MTFR1: variants seen among roughly 807,000 people sequenced by gnomAD.
The protein encoded by MTFR1 is mitochondrial fission regulator 1.
A neutral mutation model predicts 38.8 loss-of-function variants in MTFR1; 28 were observed. The observed-to-expected ratio is 0.72, with a 90% CI of 0.53 to 0.99. MTFR1 has a LOEUF of 0.99. MTFR1 is among the 50% of genes least tolerant of loss of function. MTFR1 has a pLI of 0.00. For synonymous variants in MTFR1, 145 were observed against 137.0 expected (o/e 1.06, Z -0.41); for missense variants, 358 against 395.5 (o/e 0.91, Z 0.81).
At chr8:65,737,006 G>A (rs539461029) in intron 3 of MTFR1, among the ~76,000 whole-genome samples, 11 of 150,888 alleles carry the variant, frequency 7.3e-5, no homozygotes, top group South Asian at 2.1e-4. Context: ...CCTCAGCCTG[G>A]ATGAGGTGGG....
chr8:65,704,989 C>T, intron 5 of MTFR1, 60 bp downstream of exon 5: 1 of 1,394,926 alleles, frequency 7.2e-7, no homozygotes, highest in South Asian at 1.3e-5. Flanking sequence ...GAGAATGCTA[C>T]TTACTTTAAA....
At position 65,709,753 on chromosome 8, in the gene MTFR1, A is replaced by AGTT. The variant is rs1217320962; in HGVS notation, c.*710_*712dup. 3 of 152,672 alleles carry AGTT rather than the reference A, an allele frequency of 2.0e-5. No individual in the cohort carries two copies. Among genetic ancestry groups the AGTT allele is most frequent in the Admixed American group, 6.5e-5 (1 of 15,278 alleles). The allele number at this position is 152,672 out of a possible 1,614,324, so 9.5% of individuals were successfully genotyped here. On this transcript the variant is annotated 3_prime_UTR_variant, in exon 8 of 8. Transcript: ENST00000262146. ...CAGTACTGACAGGGAAGAAAGATGT[A>AGTT]GTTTTCCAGTAGTGATGAATCAAAT...
intron 3 of MTFR1, among the ~76,000 whole-genome samples, chr8:65,742,762 G>A (rs758003430): frequency 1.3e-5 from 2 of 152,192 alleles, no homozygotes; most frequent in East Asian, 3.8e-4. Flanking sequence ...TTGAATAGCT[G>A]TAGTTAACTG....
At chr8:65,775,367 A>T (rs369304153), downstream of MTFR1, among the ~76,000 whole-genome samples, 46 of 152,274 alleles carry the variant, frequency 3.0e-4, no homozygotes, top group African/African-American at 1.0e-3. Flanking sequence ...TACTTAGTTG[A>T]CTTATTTCAT....
chr8:65,759,501 T>C (rs962530062), intron 3 of MTFR1, among the ~76,000 whole-genome samples: 1 of 152,302 alleles, frequency 6.6e-6, no homozygotes, highest in South Asian at 2.1e-4. Context: ...GGATGGCTAC[T>C]GGTTCACCCA....
rs1309182757 is a variant in MTFR1 at position 65,764,643 on chromosome 8, T to C, written c.*49-6304T>C. On this transcript the variant is annotated intron_variant, in intron 3 of 3. Transcript: ENST00000521247. The stretch of plus-strand genomic sequence containing the variant: ...GAATCTACCCTTGTATGGGAGTTAC[T>C]AGATATTAAAGACTGAGATAAACTA... Among the ~76,000 whole-genome samples, 3 of 152,340 alleles carry C rather than the reference T, an allele frequency of 2.0e-5. No homozygotes were observed. In the East Asian group the frequency reaches 5.8e-4, roughly 29 times the overall value.
At chr8:65,710,988 TATAGAGAGAGAGAG>T (rs1805927762), downstream of MTFR1, among the ~76,000 whole-genome samples, 1 of 147,910 alleles carries the variant, frequency 6.8e-6, no homozygotes, top group African/African-American at 2.6e-5. Context: ...CATATATATA[TATAGAGAGAGAGAG>T]AGAGAGAGAG....
At chr8:65,665,638 C>G (rs570850629) in intron 1 of MTFR1, among the ~76,000 whole-genome samples, 1 of 152,170 alleles carries the variant, frequency 6.6e-6, no homozygotes, top group Admixed American at 6.6e-5. Flanking sequence ...TCTTCCTTAT[C>G]GCGCTAGCCA....
rs543571780 is a variant in MTFR1 at position 65,763,484 on chromosome 8, G to A, written c.*49-7463G>A. On this transcript the variant is annotated intron_variant, in intron 3 of 3. Coordinates refer to the MTFR1 transcript ENST00000521247. ...GGAGGCTGAGGCAGGAGAATCACTT[G>A]AACCCAGGAGGCGAAGGTTGAGGTG... 3.9e-4 allele frequency among the ~76,000 whole-genome samples: 59 copies of A among 152,128 alleles called. 1 individual carries two copies. The highest frequency in any genetic ancestry group is 7.8e-4 in the Non-Finnish European group (53 of 67,988).
At chr8:65,708,137 G>C in intron 7 of MTFR1, 126 bp downstream of exon 7, 2 of 1,588,276 alleles carry the variant, frequency 1.3e-6, no homozygotes, top group South Asian at 2.2e-5. Context: ...ACAGGATTTG[G>C]TCCCTGCCTT....
chr8:65,719,034 C>T (rs1806263631), intron 2 of MTFR1: 1 of 515,794 alleles, frequency 1.9e-6, no homozygotes, highest in Non-Finnish European at 3.5e-6. Context: ...TTACTCCTTT[C>T]GGATTCTCTC....
chr8:65,699,823 G>C (rs1411989423), intron 4 of MTFR1, among the ~76,000 whole-genome samples: 2 of 152,100 alleles, frequency 1.3e-5, no homozygotes, highest in African/African-American at 4.8e-5. Flanking sequence ...ATTTAAGACT[G>C]TTCATATGTT....
chr8:65,733,981 T>C (rs770130335), intron 3 of MTFR1, among the ~76,000 whole-genome samples: 5 of 152,208 alleles, frequency 3.3e-5, no homozygotes, highest in Non-Finnish European at 7.3e-5. Context: ...GGGGCAAACA[T>C]GGCTTTCATT....
chr8:65,698,216 A>G (rs1210615792), intron 4 of MTFR1, among the ~76,000 whole-genome samples: 3 of 148,826 alleles, frequency 2.0e-5, no homozygotes, highest in Middle Eastern at 3.2e-3. Flanking sequence ...TGGCATGATC[A>G]TAGCTCACTG....
chr8:65,722,661 T>G (rs1806435616), intron 3 of MTFR1: 1 of 152,284 alleles, frequency 6.6e-6, no homozygotes, highest in South Asian at 2.1e-4. Flanking sequence ...TGTGAACTCC[T>G]GCAACAAGCT....
chr8:65,738,936 T>C (rs1041504056), intron 3 of MTFR1, among the ~76,000 whole-genome samples: 1 of 152,234 alleles, frequency 6.6e-6, no homozygotes, highest in Non-Finnish European at 1.5e-5. Context: ...TTCCTGTATC[T>C]GTGGCTCTGT....
At chr8:65,730,197 T>TTTTTG (rs1806810961) in intron 3 of MTFR1, among the ~76,000 whole-genome samples, 2 of 119,324 alleles carry the variant, frequency 1.7e-5, no homozygotes, top group African/African-American at 6.9e-5. Context: ...TTTTTTTTTT[T>TTTTTG]GAGATGGAGT....
rs1166560010 is a variant in MTFR1, at chr8:65,677,068, CTTTTTTTTT to C, written c.67-5270_67-5262del. 3.0e-5 allele frequency among the ~76,000 whole-genome samples: 3 copies of C among 100,108 alleles called. No individual in the cohort carries two copies. In the South Asian group the frequency reaches 9.5e-4, roughly 32 times the overall value. The allele number at this position is 100,108 out of a possible 152,430, so 65.7% of individuals were successfully genotyped here. On this transcript the variant is annotated intron_variant, in intron 2 of 7. Coordinates refer to ENST00000262146, the MANE Select transcript of MTFR1 (RefSeq NM_014637.4). ...GGTTTTTCTGTTTAGCTATTTCTCT[CTTTTTTTTT>C]TTTTTTTTTTTTTTGAGACAGAGTC... is the stretch of plus-strand genomic sequence containing the variant.
chr8:65,684,416 G>A (rs1449190197), intron 3 of MTFR1, among the ~76,000 whole-genome samples: 1 of 149,414 alleles, frequency 6.7e-6, no homozygotes, highest in Non-Finnish European at 1.5e-5. Context: ...ACTGAGTTTC[G>A]CTCTTGTTGC....
Sources: gnomAD v4.1 joint callset for allele counts (sites outside exome capture counted in the v4.1 genomes callset) on GRCh38, gnomAD v4.1.1 for gene constraint, MANE v1.5 for transcripts, NCBI Gene and HGNC (gene_info 2026-07-23, HGNC 2026-07-21) for gene names.